Variants in VRK2 observed in about 807,000 individuals in gnomAD.
VRK2 encodes serine/threonine-protein kinase VRK2.
A neutral mutation model predicts 57.6 loss-of-function variants in VRK2; 60 were observed. That is an observed-to-expected ratio of 1.04 (90% CI 0.85 to 1.29). The LOEUF (loss-of-function observed/expected upper bound fraction) is 1.29. Ranked by LOEUF, VRK2 falls within the 50% of genes most tolerant of loss-of-function variation. The pLI is 0.00. For missense variants in VRK2, 705 were observed against 588.1 expected (o/e 1.20, Z -2.06); for synonymous variants, 231 against 199.2 (o/e 1.16, Z -1.35).
At chr2:58,090,937 A>G (rs553397272) in intron 7 of VRK2, among the ~76,000 whole-genome samples, 2 of 152,226 alleles carry the variant, frequency 1.3e-5, no homozygotes, top group African/African-American at 2.4e-5. Context: ...TTTACTATGT[A>G]AAAGAAGCCA....
intron 1 of VRK2, among the ~76,000 whole-genome samples, chr2:57,932,391 C>A (rs1393974107): frequency 6.6e-6 from 1 of 152,108 alleles, no homozygotes; most frequent in East Asian, 1.9e-4. Flanking sequence ...TTCATCTGTT[C>A]AGATTTCACC....
chr2:58,147,059 C>A, intron 12 of VRK2: 2 of 457,360 alleles, frequency 4.4e-6, no homozygotes, highest in South Asian at 1.7e-5. Flanking sequence ...ATGATTTATA[C>A]ACCATCATTT....
chr2:57,972,924 T>C (rs369745127), intron 1 of VRK2, among the ~76,000 whole-genome samples: 1 of 151,924 alleles, frequency 6.6e-6, no homozygotes, highest in African/African-American at 2.4e-5. Flanking sequence ...CAATCTTCCA[T>C]TGATGAGCAT....
intron 1 of VRK2, among the ~76,000 whole-genome samples, chr2:57,979,931 T>A (rs1558523741): frequency 6.6e-6 from 1 of 152,162 alleles, no homozygotes; most frequent in Non-Finnish European, 1.5e-5. Context: ...CTCTCTCTCT[T>A]TTTTTGTTAA....
At chr2:58,001,513 T>G (rs1000867545) in intron 1 of VRK2, among the ~76,000 whole-genome samples, 2 of 152,136 alleles carry the variant, frequency 1.3e-5, no homozygotes, top group African/African-American at 2.4e-5. Context: ...AATAAAATAT[T>G]AACTAGTCCT....
chr2:58,066,596 T>C (rs532832189), intron 2 of VRK2, among the ~76,000 whole-genome samples: 1 of 152,184 alleles, frequency 6.6e-6, no homozygotes, highest in Non-Finnish European at 1.5e-5. Flanking sequence ...TAAAATGAGT[T>C]CTGAAGTATT....
chr2:57,951,924 CTT>C (rs77314112), intron 1 of VRK2, among the ~76,000 whole-genome samples: 52 of 128,686 alleles, frequency 4.0e-4, no homozygotes, highest in Non-Finnish European at 5.1e-4. Context: ...TTTTTCCTTC[CTT>C]TTTTTTTTTT....
At chr2:58,045,694 C>G (rs965732767), upstream of VRK2, among the ~76,000 whole-genome samples, 1 of 151,702 alleles carries the variant, frequency 6.6e-6, no homozygotes, top group Non-Finnish European at 1.5e-5. Flanking sequence ...ATTCCTTATT[C>G]TATCAAAGTC....
chr2:57,946,094 G>A (rs1032682690), intron 1 of VRK2, among the ~76,000 whole-genome samples: 6 of 152,124 alleles, frequency 3.9e-5, no homozygotes, highest in South Asian at 2.1e-4. Context: ...ATTAGTAGGA[G>A]AGGAATAATT....
chr2:58,078,970 G>A (rs1484804632), intron 2 of VRK2, among the ~76,000 whole-genome samples: 1 of 152,122 alleles, frequency 6.6e-6, no homozygotes, highest in Non-Finnish European at 1.5e-5. Context: ...ACTGCACTGA[G>A]CTGATTTTGC....
intron 12 of VRK2, among the ~76,000 whole-genome samples, chr2:58,155,652 G>T (rs1321517608): frequency 1.3e-5 from 2 of 151,900 alleles, no homozygotes; most frequent in Non-Finnish European, 2.9e-5. Flanking sequence ...GTGCTTGATG[G>T]GGGAAGGGTA....
chr2:57,924,066 C>G (rs893151295), intron 1 of VRK2, among the ~76,000 whole-genome samples: 1 of 151,640 alleles, frequency 6.6e-6, no homozygotes. Context: ...TTCTCTCTTC[C>G]GTTCTTCTGA....
intron 1 of VRK2, among the ~76,000 whole-genome samples, chr2:57,930,115 C>A (rs189600116): frequency 3.7e-4 from 56 of 152,134 alleles, no homozygotes; most frequent in Non-Finnish European, 4.4e-4. Context: ...GGCCCCAAGC[C>A]CAGCACAGCA....
At chr2:58,027,484 C>T (rs1280994997) in intron 2 of VRK2, among the ~76,000 whole-genome samples, 2 of 151,996 alleles carry the variant, frequency 1.3e-5, no homozygotes, top group East Asian at 3.9e-4. Context: ...ATTTTCCCTA[C>T]TTAACAAATA....
At chr2:58,084,781 A>G in intron 3 of VRK2, 100 bp from the exon 4 acceptor site, 2 of 778,378 alleles carry the variant, frequency 2.6e-6, no homozygotes, top group Non-Finnish European at 4.1e-6. Context: ...AAGTACTATT[A>G]TATACTACAT....
At chr2:57,926,748 C>A (rs996323802) in intron 1 of VRK2, among the ~76,000 whole-genome samples, 29 of 148,154 alleles carry the variant, frequency 2.0e-4, no homozygotes, top group South Asian at 6.3e-4. Context: ...TTTTTTCAGT[C>A]TTTATAGATG....
chr2:58,030,102 C>A (rs1486457342), intron 2 of VRK2, among the ~76,000 whole-genome samples: 1 of 152,206 alleles, frequency 6.6e-6, no homozygotes, highest in East Asian at 1.9e-4. Context: ...AGACCTCTCC[C>A]ATTATAAAGC....
chr2:58,037,444 G>T (rs1395988723), intron 3 of VRK2, among the ~76,000 whole-genome samples: 2 of 152,094 alleles, frequency 1.3e-5, no homozygotes, highest in South Asian at 2.1e-4. Flanking sequence ...GGGAAAGGGG[G>T]CAGGTGGGGT....
At chr2:57,953,355 A>G (rs1403432918) in intron 1 of VRK2, among the ~76,000 whole-genome samples, 1 of 152,104 alleles carries the variant, frequency 6.6e-6, no homozygotes, top group East Asian at 1.9e-4. Flanking sequence ...ATTTGTCACT[A>G]CTTTCCTCAT....
Sources: gnomAD v4.1 joint callset for allele counts (sites outside exome capture counted in the v4.1 genomes callset) on GRCh38, gnomAD v4.1.1 for gene constraint, MANE v1.5 for transcripts, NCBI Gene and HGNC (gene_info 2026-07-23, HGNC 2026-07-21) for gene names.